Variants in TRAPPC9 observed in about 807,000 individuals in gnomAD.
TRAPPC9 encodes the protein trafficking protein particle complex subunit 9.
Under a neutral mutation model 124.0 loss-of-function variants are expected in TRAPPC9, and 83 were observed. That is an observed-to-expected ratio of 0.67 (90% CI 0.56 to 0.80). The LOEUF is 0.80. TRAPPC9 is among the 30% of genes least tolerant of loss of function. The pLI, the probability that TRAPPC9 is intolerant of heterozygous loss-of-function variation, is 0.00. For synonymous variants in TRAPPC9, 638 were observed against 617.5 expected, an observed-to-expected ratio of 1.03 and a Z score of -0.49; for missense variants, 1,302 against 1,508.3, an observed-to-expected ratio of 0.86 and a Z score of 2.27.
intron 9 of TRAPPC9, among the ~76,000 whole-genome samples, chr8:140,331,164 C>T (rs566631689): frequency 9.2e-5 from 14 of 151,542 alleles, no homozygotes; most frequent in Admixed American, 7.9e-4. Context: ...AGATATAAAC[C>T]CATGTTTTCA....
intron 17 of TRAPPC9, among the ~76,000 whole-genome samples, chr8:140,079,183 T>C (rs552527778): frequency 6.6e-6 from 1 of 152,332 alleles, no homozygotes; most frequent in African/African-American, 2.4e-5. Flanking sequence ...GCCATGATTA[T>C]GAAGTCTCCC....
At chr8:140,134,362 G>T (rs1587780113) in intron 17 of TRAPPC9, among the ~76,000 whole-genome samples, 1 of 152,070 alleles carries the variant, frequency 6.6e-6, no homozygotes, top group African/African-American at 2.4e-5. Context: ...CGCCTCCTGA[G>T]TTCAAGCGAT....
At chr8:140,272,499 C>T (rs564269298) in intron 15 of TRAPPC9, among the ~76,000 whole-genome samples, 108 of 149,664 alleles carry the variant, frequency 7.2e-4, no homozygotes, top group African/African-American at 2.6e-3. Context: ...GCGGTGATGC[C>T]GGTGGTTGTG....
intron 19 of TRAPPC9, among the ~76,000 whole-genome samples, chr8:139,935,260 G>C (rs906649450): frequency 6.6e-6 from 1 of 152,172 alleles, no homozygotes; most frequent in Non-Finnish European, 1.5e-5. Context: ...AGAGGGGAAA[G>C]ATTTCTAAAA....
Position 140,252,394 on chromosome 8 carries a change from C to T in TRAPPC9, c.2431+383G>A, listed in dbSNP as rs1206081269. Among the ~76,000 whole-genome samples the T allele has an allele frequency of 3.3e-5, 5 of 152,164 alleles. No homozygotes were observed. The highest frequency in any genetic ancestry group is 1.2e-4 in the African/African-American group (5 of 41,434). ...AATATAAATTTCCATTTCTTCCACA[C>T]TCCACCTCCTTATAGATATCATCAG... On this transcript the variant is annotated intron_variant, in intron 16 of 22. Transcript: ENST00000438773. The surrounding 1 kb of genome is among the most constrained non-coding windows in gnomAD (Gnocchi z 4.2).
At chr8:139,789,394 C>T (rs188840799) in intron 21 of TRAPPC9, among the ~76,000 whole-genome samples, 4 of 152,188 alleles carry the variant, frequency 2.6e-5, no homozygotes, top group East Asian at 1.9e-4. Flanking sequence ...CGCTGCCCCT[C>T]GGTGTGTGGC....
intron 21 of TRAPPC9, among the ~76,000 whole-genome samples, chr8:139,758,673 G>A (rs1820018388): frequency 1.3e-5 from 2 of 152,236 alleles, no homozygotes; most frequent in African/African-American, 4.8e-5. Flanking sequence ...CACGAAGGCA[G>A]GGGCAAGAAA....
At chr8:140,397,873 C>A in intron 6 of TRAPPC9, 128 bp from the exon 7 acceptor site, 1 of 1,219,180 alleles carries the variant, frequency 8.2e-7, no homozygotes, top group East Asian at 2.4e-5. Flanking sequence ...TCCAGATACC[C>A]CTCCTGATAT....
chr8:140,457,888 A>T, upstream of TRAPPC9: 2 of 465,854 alleles, frequency 4.3e-6, no homozygotes, highest in Non-Finnish European at 3.2e-6. Flanking sequence ...GGGAGAGAAG[A>T]GGGGACAGGG....
rs753554940 is a variant in TRAPPC9, at chr8:139,819,419, T to C, written c.3055+66460A>G. Among the ~76,000 whole-genome samples the C allele has an allele frequency of 4.6e-5, 7 of 152,266 alleles. No individual in the cohort carries two copies. In the South Asian group the frequency reaches 1.2e-3, roughly 27 times the overall value. ...TCATCCTGAAAGCATCCCCCACCAC[T>C]GTCCATGGAAAAATGGCCTTCCAAG... On this transcript the variant is annotated intron_variant, in intron 21 of 22. Coordinates refer to ENST00000438773, the MANE Select transcript of TRAPPC9 (RefSeq NM_001160372.4).
chr8:139,778,570 G>T (rs571451049), intron 21 of TRAPPC9, among the ~76,000 whole-genome samples: 1 of 152,220 alleles, frequency 6.6e-6, no homozygotes, highest in East Asian at 1.9e-4. Context: ...AAAATTTAAT[G>T]ACATAGAAGA....
intron 21 of TRAPPC9, among the ~76,000 whole-genome samples, chr8:139,870,405 T>G (rs1481529299): frequency 6.6e-6 from 1 of 152,240 alleles, no homozygotes; most frequent in Non-Finnish European, 1.5e-5. Context: ...TTTAAGAGAT[T>G]GCTCCATTTG....
intron 21 of TRAPPC9, among the ~76,000 whole-genome samples, chr8:139,877,713 T>C (rs1051859530): frequency 2.0e-5 from 3 of 152,160 alleles, no homozygotes; most frequent in Non-Finnish European, 2.9e-5. Flanking sequence ...TCTGTGAGCC[T>C]GAGGAACATG....
intron 21 of TRAPPC9, among the ~76,000 whole-genome samples, chr8:139,831,010 T>C (rs1825956851): frequency 1.3e-5 from 2 of 152,298 alleles, no homozygotes; most frequent in South Asian, 4.1e-4. Flanking sequence ...TCACGTGCAC[T>C]TGGCAATCAC....
At chr8:139,901,350 G>A (rs910408575) in intron 20 of TRAPPC9, among the ~76,000 whole-genome samples, 1 of 152,238 alleles carries the variant, frequency 6.6e-6, no homozygotes, top group African/African-American at 2.4e-5. Flanking sequence ...TGCTTTAAAT[G>A]ATTAATGAGC....
chr8:140,167,604 G>A (rs1218179920), intron 17 of TRAPPC9, among the ~76,000 whole-genome samples: 1 of 152,160 alleles, frequency 6.6e-6, no homozygotes, highest in Non-Finnish European at 1.5e-5. Context: ...TTAGACATGT[G>A]GTAGTTATAG....
intron 3 of TRAPPC9, among the ~76,000 whole-genome samples, chr8:140,435,990 T>A (rs777617601): frequency 6.6e-6 from 1 of 152,244 alleles, no homozygotes; most frequent in Non-Finnish European, 1.5e-5. Flanking sequence ...GTTACACCTG[T>A]AGATATTTAC....
At chr8:140,153,621 C>T (rs77687557) in intron 17 of TRAPPC9, among the ~76,000 whole-genome samples, 65 of 152,146 alleles carry the variant, frequency 4.3e-4, no homozygotes, top group South Asian at 8.3e-4. Flanking sequence ...ACAGCACCTG[C>T]GTATAGTATA....
At chr8:140,337,405 A>T (rs1438471487) in intron 9 of TRAPPC9, among the ~76,000 whole-genome samples, 1 of 152,160 alleles carries the variant, frequency 6.6e-6, no homozygotes, top group East Asian at 1.9e-4. Flanking sequence ...GAAAGATAAA[A>T]CAGGAAGAAC....
Sources: allele counts gnomAD v4.1 joint callset (sites outside exome capture counted in the v4.1 genomes callset), GRCh38; gene constraint gnomAD v4.1.1; non-coding constraint Gnocchi (gnomAD v3.1); transcripts MANE v1.5; gene names NCBI Gene and HGNC (gene_info 2026-07-23, HGNC 2026-07-21).